The following TMTC2 variants were observed in gnomAD, a reference collection of about 807,000 sequenced individuals.
TMTC2 encodes the protein transmembrane O-mannosyltransferase targeting cadherins 2.
TMTC2 carries 43 observed loss-of-function variants against 82.4 expected under a neutral mutation model. The observed-to-expected ratio is 0.52, with a 90% CI of 0.41 to 0.67. The LOEUF (loss-of-function observed/expected upper bound fraction) is 0.67, where lower values mean the gene tolerates loss of function less well. TMTC2 is among the 30% of genes least tolerant of loss of function. The probability of loss-of-function intolerance (pLI) is 0.00; values close to 1 mark genes in which losing one functional copy is unlikely to be tolerated. For synonymous variants in TMTC2, 408 were observed against 381.9 expected, an observed-to-expected ratio of 1.07 and a Z score of -0.80; for missense variants, 919 against 1,012.4, an observed-to-expected ratio of 0.91 and a Z score of 1.25.
intron 1 of TMTC2, among the ~76,000 whole-genome samples, chr12:82,692,582 C>A (rs1034582173): frequency 6.6e-6 from 1 of 152,178 alleles, no homozygotes; most frequent in Non-Finnish European, 1.5e-5. Flanking sequence ...GGCTGACAAA[C>A]CTACTTTCTT....
intron 8 of TMTC2, among the ~76,000 whole-genome samples, chr12:82,991,179 T>G (rs1049405653): frequency 1.3e-5 from 2 of 152,220 alleles, no homozygotes; most frequent in East Asian, 3.8e-4. Context: ...GAATATAACT[T>G]CAAGGTTTTC....
intron 2 of TMTC2, among the ~76,000 whole-genome samples, chr12:82,870,797 A>G (rs1592590089): frequency 6.6e-6 from 1 of 152,366 alleles, no homozygotes; most frequent in East Asian, 1.9e-4. Flanking sequence ...AAAACTGAGC[A>G]TATTTCAGAG....
chr12:82,825,098 GA>G (rs370787604), intron 1 of TMTC2, among the ~76,000 whole-genome samples: 11,524 of 133,896 alleles, frequency 0.086, 449 homozygotes, highest in Middle Eastern at 0.21. Flanking sequence ...CAAAAAAAAA[GA>G]AAAAAAAAAA....
intron 11 of TMTC2, among the ~76,000 whole-genome samples, chr12:83,117,378 A>G (rs1467849806): frequency 6.6e-6 from 1 of 152,226 alleles, no homozygotes; most frequent in African/African-American, 2.4e-5. Flanking sequence ...TTAACAAAAT[A>G]CTAGCTAACT....
chr12:82,724,737 A>AAAT (rs1874369923), intron 1 of TMTC2, among the ~76,000 whole-genome samples: 1 of 152,204 alleles, frequency 6.6e-6, no homozygotes. Context: ...CGTCTTCTCA[A>AAAT]AATAGGTTGG....
chr12:83,098,160 C>A (rs1884095385), intron 11 of TMTC2, among the ~76,000 whole-genome samples: 1 of 152,074 alleles, frequency 6.6e-6, no homozygotes, highest in African/African-American at 2.4e-5. Context: ...TTGGTCCTAC[C>A]CACAGATGGG....
intron 1 of TMTC2, among the ~76,000 whole-genome samples, chr12:82,732,180 CCTG>C (rs1330797677): frequency 6.6e-6 from 1 of 152,102 alleles, no homozygotes; most frequent in Non-Finnish European, 1.5e-5. Context: ...CAAGTTGACT[CCTG>C]CTGCGTAATA....
chr12:83,108,563 G>A (rs1346211102), intron 11 of TMTC2, among the ~76,000 whole-genome samples: 1 of 151,864 alleles, frequency 6.6e-6, no homozygotes, highest in African/African-American at 2.4e-5. Flanking sequence ...CCAGGAGGTG[G>A]AGGTTGCAGT....
At chr12:83,051,758 A>AT (rs927952637) in intron 10 of TMTC2, among the ~76,000 whole-genome samples, 3 of 150,966 alleles carry the variant, frequency 2.0e-5, no homozygotes, top group Non-Finnish European at 4.4e-5. Context: ...GAAACAATAC[A>AT]TTTTTTTTAA....
Position 82,989,570 on chromosome 12 carries a change from C to CA in TMTC2, c.2070+3532dup, listed in dbSNP as rs201822949. ...ATTCATTGCCCACCTGCACCCCCCC[C>CA]AAAAAAAAGTTAGAAAAGAAAAAAA... On this transcript the variant is annotated intron_variant, in intron 8 of 11. Coordinates refer to ENST00000321196, the MANE Select transcript of TMTC2 (RefSeq NM_152588.3). Among the ~76,000 whole-genome samples the CA allele has an allele frequency of 9.1e-3, 1,365 of 150,374 alleles. 14 individuals carry two copies. The highest frequency in any genetic ancestry group is 0.027 in the Middle Eastern group (8 of 292).
In TMTC2 at chr12:82,757,410, A is replaced by G. The variant is rs550774982; in HGVS notation, c.83+69741A>G. On this transcript the variant is annotated intron_variant, in intron 1 of 11. Transcript: ENST00000321196. ...CTTGAATGCTTACAAAGAGTTTTTC[A>G]TATAATTTATCTTGTTTATCTTTAT... Among the ~76,000 whole-genome samples the G allele has an allele frequency of 5.3e-5, 8 of 152,344 alleles. No individual in the cohort carries two copies. The East Asian group carries it at 1.4e-3, about 26-fold the overall frequency.
At chr12:82,865,920 A>G (rs954014148) in intron 2 of TMTC2, among the ~76,000 whole-genome samples, 4 of 152,222 alleles carry the variant, frequency 2.6e-5, no homozygotes, top group African/African-American at 9.6e-5. Context: ...TACTGGGTAC[A>G]TAACGAAATG....
At chr12:82,744,033 G>A (rs774591924) in intron 1 of TMTC2, among the ~76,000 whole-genome samples, 18 of 152,124 alleles carry the variant, frequency 1.2e-4, no homozygotes, top group Admixed American at 2.6e-4. Context: ...CTGTGCTCTG[G>A]GAGGCCAGGC....
chr12:82,701,571 G>GTCTTT (rs2136899354), intron 1 of TMTC2, among the ~76,000 whole-genome samples: 1 of 144,082 alleles, frequency 6.9e-6, no homozygotes, highest in Admixed American at 7.2e-5. Flanking sequence ...GACCAACATG[G>GTCTTT]AGAAACCCCG....
chr12:83,061,338 A>C (rs551535349), intron 10 of TMTC2, among the ~76,000 whole-genome samples: 1 of 151,908 alleles, frequency 6.6e-6, no homozygotes, highest in South Asian at 2.1e-4. Flanking sequence ...TTCTAGACAG[A>C]TGTGGAATTT....
At chr12:82,946,665 AAT>A (rs1046007022) in intron 4 of TMTC2, among the ~76,000 whole-genome samples, 8 of 152,152 alleles carry the variant, frequency 5.3e-5, no homozygotes, top group African/African-American at 1.7e-4. Flanking sequence ...GCCATCTAGC[AAT>A]AGAGAGACAG....
intron 11 of TMTC2, among the ~76,000 whole-genome samples, chr12:83,077,967 C>G (rs553494383): frequency 2.6e-4 from 40 of 151,404 alleles, no homozygotes; most frequent in African/African-American, 9.2e-4. Flanking sequence ...TTCCTCCCCC[C>G]CACAATACCT....
At chr12:82,995,511 A>T (rs1191468455) in intron 8 of TMTC2, among the ~76,000 whole-genome samples, 1 of 152,152 alleles carries the variant, frequency 6.6e-6, no homozygotes, top group Non-Finnish European at 1.5e-5. Context: ...TTTGAGGCTC[A>T]TGAGGCTCAG....
chr12:82,962,014 G>GTA (rs1236524627), intron 4 of TMTC2, among the ~76,000 whole-genome samples: 6 of 152,040 alleles, frequency 3.9e-5, no homozygotes, highest in South Asian at 2.1e-4. Context: ...AAGACTCACA[G>GTA]TATATATATA....
Sources: allele counts gnomAD v4.1 joint callset (sites outside exome capture counted in the v4.1 genomes callset), GRCh38; gene constraint gnomAD v4.1.1; transcripts MANE v1.5; gene names NCBI Gene and HGNC (gene_info 2026-07-23, HGNC 2026-07-21).